ARSB: variants seen among roughly 807,000 people sequenced by gnomAD.
The protein encoded by ARSB is arylsulfatase B.
In ARSB, 41 loss-of-function variants were observed where a neutral mutation model predicts 50.9. That is an observed-to-expected ratio of 0.81 (90% CI 0.63 to 1.04). ARSB has a LOEUF of 1.04. ARSB is among the 50% of genes least tolerant of loss of function. The pLI is 0.00. For missense variants in ARSB, 672 were observed against 693.3 expected (o/e 0.97, Z 0.35); for synonymous variants, 269 against 284.8 (o/e 0.94, Z 0.56).
intron 4 of ARSB, among the ~76,000 whole-genome samples, chr5:78,937,994 C>G (rs1332723859): frequency 6.6e-6 from 1 of 152,170 alleles, no homozygotes; most frequent in Non-Finnish European, 1.5e-5. Flanking sequence ...CCACTGTGGC[C>G]CAACTCATGG....
chr5:78,906,041 A>G (rs1749051050), intron 4 of ARSB, among the ~76,000 whole-genome samples: 2 of 152,054 alleles, frequency 1.3e-5, no homozygotes, highest in African/African-American at 4.8e-5. Flanking sequence ...CAGATCTTCA[A>G]CTGGGGCCTG....
intron 6 of ARSB, among the ~76,000 whole-genome samples, chr5:78,821,405 T>C (rs1313016175): frequency 6.6e-6 from 1 of 152,242 alleles, no homozygotes; most frequent in Non-Finnish European, 1.5e-5. Context: ...CCCAAAGTGC[T>C]GGGATTACAG....
intron 6 of ARSB, among the ~76,000 whole-genome samples, chr5:78,795,349 G>C (rs927408662): frequency 6.6e-6 from 1 of 152,172 alleles, no homozygotes; most frequent in African/African-American, 2.4e-5. Context: ...ATGCCCCCAT[G>C]TGGGTGCAGG....
At chr5:78,980,170 T>C (rs1004022440) in intron 1 of ARSB, among the ~76,000 whole-genome samples, 2 of 152,228 alleles carry the variant, frequency 1.3e-5, no homozygotes, top group Non-Finnish European at 2.9e-5. Flanking sequence ...TTACACAACC[T>C]TGTGAATGTA....
chr5:78,984,125 T>C (rs1753037574), intron 1 of ARSB, among the ~76,000 whole-genome samples: 1 of 152,188 alleles, frequency 6.6e-6, no homozygotes. Context: ...AGCTGTGCGA[T>C]TCTTATGCCA....
chr5:78,869,912 G>T (rs1385094375), intron 5 of ARSB, among the ~76,000 whole-genome samples: 3 of 151,370 alleles, frequency 2.0e-5, no homozygotes, highest in Non-Finnish European at 2.9e-5. Flanking sequence ...TTGATAGACC[G>T]CTAGCAAGAC....
At chr5:78,967,384 C>T (rs1752251738) in intron 2 of ARSB, among the ~76,000 whole-genome samples, 1 of 152,016 alleles carries the variant, frequency 6.6e-6, no homozygotes, top group Admixed American at 6.6e-5. Flanking sequence ...AAATAAATTT[C>T]AAATCTCAGG....
At chr5:78,835,048 A>G (rs1208279244) in intron 6 of ARSB, among the ~76,000 whole-genome samples, 5 of 140,274 alleles carry the variant, frequency 3.6e-5, no homozygotes, top group Non-Finnish European at 7.5e-5. Context: ...GGTATAATTT[A>G]CGTATGCATC....
intron 4 of ARSB, among the ~76,000 whole-genome samples, chr5:78,933,965 C>T (rs1334708920): frequency 6.6e-6 from 1 of 152,148 alleles, no homozygotes; most frequent in Non-Finnish European, 1.5e-5. Flanking sequence ...GAGGACTCAA[C>T]CCACTGTTAA....
chr5:78,867,152 G>T (rs1388419174), intron 5 of ARSB, among the ~76,000 whole-genome samples: 1 of 152,174 alleles, frequency 6.6e-6, no homozygotes, highest in Non-Finnish European at 1.5e-5. Flanking sequence ...TCCCACACCT[G>T]GCTCGGAGGG....
intron 6 of ARSB, among the ~76,000 whole-genome samples, chr5:78,808,435 C>T (rs1389689700): frequency 6.6e-6 from 1 of 152,152 alleles, no homozygotes; most frequent in African/African-American, 2.4e-5. Context: ...TAATAGCCTC[C>T]CATTTCTAGT....
chr5:78,964,274 C>A (rs1266093949), intron 3 of ARSB, 142 bp downstream of exon 3: 3 of 832,038 alleles, frequency 3.6e-6, no homozygotes, highest in Non-Finnish European at 5.7e-6. Context: ...CAGGCTGATT[C>A]TGGGATACTG....
intron 6 of ARSB, among the ~76,000 whole-genome samples, chr5:78,837,048 GC>G (rs1744987498): frequency 6.6e-6 from 1 of 152,160 alleles, no homozygotes; most frequent in South Asian, 2.1e-4. Flanking sequence ...CTCCCGCCGG[GC>G]CCCTCCTCCA....
At chr5:78,985,778 T>G (rs926624369), upstream of ARSB, 5 of 152,266 alleles carry the variant, frequency 3.3e-5, no homozygotes, top group African/African-American at 1.2e-4. Flanking sequence ...GAGCCCAGCC[T>G]GTGGCAGGTG....
At chr5:78,958,413 G>C (rs1580126565) in intron 3 of ARSB, among the ~76,000 whole-genome samples, 2 of 152,268 alleles carry the variant, frequency 1.3e-5, no homozygotes, top group South Asian at 4.2e-4. Flanking sequence ...GCGGACAGGG[G>C]AGTTCTTGAA....
intron 6 of ARSB, among the ~76,000 whole-genome samples, chr5:78,793,614 C>T (rs1743064464): frequency 6.6e-6 from 1 of 152,136 alleles, no homozygotes; most frequent in East Asian, 1.9e-4. Flanking sequence ...GTGTCTTGAT[C>T]CTGTGGCCAT....
At chr5:78,898,807 T>C (rs1004313123) in intron 4 of ARSB, among the ~76,000 whole-genome samples, 14 of 152,234 alleles carry the variant, frequency 9.2e-5, no homozygotes, top group Non-Finnish European at 1.9e-4. Flanking sequence ...CTCATGTCTT[T>C]TGAGCTTCAT....
At chr5:78,963,846 T>C (rs1752096369) in intron 3 of ARSB, among the ~76,000 whole-genome samples, 1 of 152,138 alleles carries the variant, frequency 6.6e-6, no homozygotes, top group Non-Finnish European at 1.5e-5. Context: ...GGAGCTGGCA[T>C]ATAGAAATTG....
chr5:78,779,663 C>G lies in ARSB; in HGVS notation c.*734G>C, dbSNP rs1156980699. 6.6e-6 allele frequency: 1 copy of G among 152,406 alleles called. No homozygotes were observed. The highest frequency in any genetic ancestry group is 2.4e-5 in the African/African-American group (1 of 41,424). 9.4% of individuals were successfully genotyped at this position (152,406 alleles called of 1,614,324 possible). ...GTGCTCAGGTAGAGAAGCAAAGTGGCCTTCCCAGGGATAGGACTACTGAGG... is the reference window on the plus strand; with the variant it reads ...GTGCTCAGGTAGAGAAGCAAAGTGGGCTTCCCAGGGATAGGACTACTGAGG... On this transcript the variant is annotated 3_prime_UTR_variant, in exon 8 of 8. Transcript: ENST00000264914.
Sources: gnomAD v4.1 joint callset for allele counts (sites outside exome capture counted in the v4.1 genomes callset) on GRCh38, gnomAD v4.1.1 for gene constraint, MANE v1.5 for transcripts, NCBI Gene and HGNC (gene_info 2026-07-23, HGNC 2026-07-21) for gene names.